KIF5C: variants seen among roughly 807,000 people sequenced by gnomAD.
KIF5C encodes the protein kinesin heavy chain isoform 5C.
A neutral mutation model predicts 125.2 loss-of-function variants in KIF5C; 18 were observed. The observed-to-expected ratio is 0.14, with a 90% CI of 0.10 to 0.21. KIF5C has a LOEUF of 0.21. Ranked by LOEUF, KIF5C falls within the 10% of genes least tolerant of loss-of-function variation. The pLI is 1.00. For synonymous variants in KIF5C, 405 were observed against 434.0 expected, an observed-to-expected ratio of 0.93 and a Z score of 0.83; for missense variants, 780 against 1,183.8, an observed-to-expected ratio of 0.66 and a Z score of 5.01.
intron 1 of KIF5C, among the ~76,000 whole-genome samples, chr2:148,895,109 G>T (rs187598559): frequency 3.4e-4 from 52 of 152,040 alleles, no homozygotes; most frequent in Non-Finnish European, 7.1e-4. Flanking sequence ...CTTCATCTCA[G>T]CTGTTATCCC....
chr2:149,000,703 G>T lies in KIF5C; in HGVS notation c.2313-19G>T. ...TCTGAGTCCCCTGTGGTGGTCTATG[G>T]TTCCTTTTTGTTTTTCAGATTGCTC... On this transcript the variant is annotated intron_variant, in intron 20 of 25. Transcript: ENST00000435030. 1.2e-6 allele frequency: 2 copies of T among 1,613,558 alleles called. No individual in the cohort carries two copies. Among genetic ancestry groups the T allele is most frequent in the Non-Finnish European group, 1.7e-6 (2 of 1,179,792 alleles).
At position 149,010,193 on chromosome 2, in the gene KIF5C, G is replaced by A. The variant is rs1682142652; in HGVS notation, c.2609G>A (p.Arg870His). ...CTGCCCAAGCTGGAGAAGCGGCTGC[G>A]TGCCACGGCGGAGCGCGTCAAGGCT... ...CELPKLEKRL[R>H]ATAERVKALE... is the part of the protein sequence containing the mutation. The change falls in exon 24 of 26, where the codon CGT (arginine) becomes CAT (histidine). Residue 870 changes from arginine to histidine, a missense_variant. This residue lies in a region of KIF5C where 573 missense variants were observed against 742.6 expected (regional missense o/e 0.77). Transcript: ENST00000435030. 1.3e-6 allele frequency: 2 copies of A among 1,555,936 alleles called. No homozygotes were observed. Among genetic ancestry groups the A allele is most frequent in the Non-Finnish European group, 8.7e-7 (1 of 1,150,078 alleles).
At chr2:148,913,215 C>T (rs1247180617) in intron 1 of KIF5C, among the ~76,000 whole-genome samples, 1 of 152,120 alleles carries the variant, frequency 6.6e-6, no homozygotes, top group African/African-American at 2.4e-5. Context: ...GTTGAGGGAA[C>T]AGTTACAAGA....
At chr2:148,916,117 G>C (rs1390983308) in intron 1 of KIF5C, among the ~76,000 whole-genome samples, 1 of 152,214 alleles carries the variant, frequency 6.6e-6, no homozygotes, top group African/African-American at 2.4e-5. Context: ...AGAGATGCAG[G>C]AGCTGACTGT....
At chr2:148,975,079 C>G (rs1241729683) in intron 12 of KIF5C, among the ~76,000 whole-genome samples, 1 of 152,190 alleles carries the variant, frequency 6.6e-6, no homozygotes, top group African/African-American at 2.4e-5. Context: ...TTTGTTATGT[C>G]ATTTTCCTAC....
At chr2:148,996,122 T>C (rs1681665147) in intron 17 of KIF5C, among the ~76,000 whole-genome samples, 1 of 152,052 alleles carries the variant, frequency 6.6e-6, no homozygotes, top group Non-Finnish European at 1.5e-5. Flanking sequence ...GGCACTGCAC[T>C]CCAGCCTGGG....
At chr2:148,949,061 A>T (rs9287841) in intron 8 of KIF5C, among the ~76,000 whole-genome samples, 16,336 of 152,168 alleles carry the variant, frequency 0.11, 1,168 homozygotes, top group Middle Eastern at 0.2. Flanking sequence ...TTGAGAGAGC[A>T]GCTGCTCCCC....
At chr2:148,886,590 T>G (rs1349822945) in intron 1 of KIF5C, among the ~76,000 whole-genome samples, 3 of 152,140 alleles carry the variant, frequency 2.0e-5, no homozygotes, top group African/African-American at 7.2e-5. Flanking sequence ...CCACCCAGCA[T>G]GGAAGAGGCT....
intron 10 of KIF5C, among the ~76,000 whole-genome samples, chr2:148,953,430 G>T (rs1456939279): frequency 6.6e-6 from 1 of 152,162 alleles, no homozygotes; most frequent in Non-Finnish European, 1.5e-5. Context: ...AGGATGCTGA[G>T]CTATTCTATG....
chr2:148,942,893 C>A, intron 7 of KIF5C, 133 bp downstream of exon 7: 1 of 1,468,416 alleles, frequency 6.8e-7, no homozygotes, highest in South Asian at 1.3e-5. Context: ...TGCTCGGACA[C>A]AGACGCCAGG....
chr2:148,910,542 C>T lies in KIF5C; in HGVS notation c.127-11595C>T, dbSNP rs115794934. Among the ~76,000 whole-genome samples the T allele has an allele frequency of 8.3e-3, 1,266 of 152,258 alleles. 13 individuals are homozygous for T. The highest frequency in any genetic ancestry group is 0.028 in the African/African-American group (1,182 of 41,516). On this transcript the variant is annotated intron_variant, in intron 1 of 25. Transcript: ENST00000435030. ...GCATTTTTTCCATGACATGGTGCTT[C>T]CAGAGGAATGGGTAGTGTTTTGACA...
rs1292026609 is a variant in KIF5C at position 149,000,475 on chromosome 2, A to C, written c.2263A>C (p.Lys755Gln). The C allele has an allele frequency of 1.3e-6, 2 of 1,584,626 alleles. No individual in the cohort carries two copies. Among genetic ancestry groups the C allele is most frequent in the South Asian group, 2.3e-5 (2 of 87,842 alleles). ...GGAGAAGCTTAGTTCTGATTATAAC[A>C]AGCTGAAAATAGAGGACCAAGAGAG... is the stretch of plus-strand genomic sequence containing the variant. ...EQEKLSSDYN[K>Q]LKIEDQEREM... Residue 755 changes from lysine (K) to glutamine (Q), a missense_variant, in exon 20 of 26, where the codon AAG (lysine) becomes CAG (glutamine). Physicochemically the swap from Lys to Gln is moderately conservative, Grantham distance 53. Transcript: ENST00000435030.
chr2:148,963,309 A>T (rs989340361), intron 11 of KIF5C, among the ~76,000 whole-genome samples: 8 of 152,022 alleles, frequency 5.3e-5, no homozygotes, highest in African/African-American at 1.9e-4. Context: ...TAAGGGTAGG[A>T]GCCCGGGGGC....
In KIF5C at chr2:148,994,441, T is replaced by C. The variant is rs1298400484; in HGVS notation, c.1926T>C (p.Ser642=). ...LISQHEAKIK[S]LTDYMQNMEQ... ...TAAAGCACGAAGCCAAGATCAAGTC[T>C]CTGACAGACTACATGCAGAACATGG... The change falls in exon 17 of 26, where the codon TCT becomes TCC. Residue 642 remains serine (S), a synonymous_variant. Transcript: ENST00000435030. The C allele has an allele frequency of 3.2e-6, 5 of 1,567,964 alleles. No individual in the cohort carries two copies. In the East Asian group the frequency reaches 9.5e-5, roughly 30 times the overall value.
At position 148,955,543 on chromosome 2, in the gene KIF5C, TC is replaced by T. The variant is rs1438970878; in HGVS notation, c.968+5082del. On this transcript the variant is annotated intron_variant, in intron 10 of 25. Transcript: ENST00000435030. ...CTTTCAAACTTGCCAGCCCCCATAG[TC>T]ATGTGAGTCAGTTTCTTAAGTAAAT... Among the ~76,000 whole-genome samples the T allele has an allele frequency of 3.3e-5, 5 of 152,260 alleles. No homozygotes were observed. The East Asian group carries it at 9.6e-4, about 29-fold the overall frequency.
chr2:148,899,702 CAAAAAAAAAA>C (rs771196518), intron 1 of KIF5C, among the ~76,000 whole-genome samples: 1 of 46,072 alleles, frequency 2.2e-5, no homozygotes, highest in Non-Finnish European at 4.7e-5. Flanking sequence ...AACTCCATCT[CAAAAAAAAAA>C]AAAAAAAAAA....
At position 148,981,479 on chromosome 2, in the gene KIF5C, T is replaced by A; in HGVS notation, c.1487T>A (p.Val496Asp). Residue 496 changes from valine (V) to aspartate (D), a missense_variant, in exon 14 of 26, where the codon GTC (valine) becomes GAC (aspartate). Coordinates refer to ENST00000435030, the MANE Select transcript of KIF5C (RefSeq NM_004522.3). ...EVLQALEELAVNYDQKSQEVE... is the reference protein window; with the variant it reads ...EVLQALEELADNYDQKSQEVE... ...CTCCAGGCCCTGGAGGAGCTGGCTG[T>A]CAATTATGACCAGAAATCACAGGAA... The A allele has an allele frequency of 6.2e-7, 1 of 1,608,054 alleles. No homozygotes were observed.
chr2:148,875,656 C>G lies in KIF5C; in HGVS notation c.39C>G (p.Cys13Trp). 6.5e-7 allele frequency: 1 copy of G among 1,526,796 alleles called. No homozygotes were observed. The highest frequency in any genetic ancestry group is 8.8e-7 in the Non-Finnish European group (1 of 1,131,392). 94.6% of individuals were successfully genotyped at this position (1,526,796 alleles called of 1,614,324 possible). Residue 13 changes from cysteine (C) to tryptophan (W), a missense_variant, in exon 1 of 26, where the codon TGC becomes TGG. This residue lies in a region of KIF5C where 207 missense variants were observed against 441.2 expected (regional missense o/e 0.47). Coordinates refer to ENST00000435030, the MANE Select transcript of KIF5C (RefSeq NM_004522.3). ...CCGAATGCAGCATCAAAGTGATGTG[C>G]CGGTTCCGGCCCCTCAACGAAGCGG... ...DPAECSIKVM[C>W]RFRPLNEAEI...
At position 149,013,149 on chromosome 2, in the gene KIF5C, G is replaced by A. The variant is rs543875072; in HGVS notation, c.*7+1466G>A. The stretch of plus-strand genomic sequence containing the variant: ...TGGTTTATACAGGATGGCGGTTTAC[G>A]TCTGTCTTATGTAAGGGAAATTTGA... On this transcript the variant is annotated intron_variant, in intron 25 of 25. Coordinates refer to ENST00000435030, the MANE Select transcript of KIF5C (RefSeq NM_004522.3). Among the ~76,000 whole-genome samples the A allele has an allele frequency of 7.9e-5, 12 of 152,290 alleles. No homozygotes were observed. The South Asian group carries it at 2.3e-3, about 29-fold the overall frequency.
Sources: gnomAD v4.1 joint callset for allele counts (sites outside exome capture counted in the v4.1 genomes callset) on GRCh38, gnomAD v4.1.1 for gene constraint, gnomAD v4.1.1 regional missense constraint, MANE v1.5 for transcripts, NCBI Gene and HGNC (gene_info 2026-07-23, HGNC 2026-07-21) for gene names.